Variants in DLC1 observed in about 807,000 individuals in gnomAD.
DLC1 encodes the protein rho GTPase-activating protein 7.
In DLC1, 54 loss-of-function variants were observed where a neutral mutation model predicts 140.3. The observed-to-expected ratio is 0.38, with a 90% CI of 0.31 to 0.48. The LOEUF is 0.48. DLC1 is among the 20% of genes least tolerant of loss of function. The pLI, the probability that DLC1 is intolerant of heterozygous loss-of-function variation, is 0.96. For synonymous variants in DLC1, 986 were observed against 728.1 expected (o/e 1.35, Z -5.70); for missense variants, 2,536 against 1,907.0 (o/e 1.33, Z -6.14).
intron 3 of DLC1, among the ~76,000 whole-genome samples, chr8:13,398,729 G>A (rs949595699): frequency 6.6e-6 from 1 of 152,140 alleles, no homozygotes; most frequent in Non-Finnish European, 1.5e-5. Context: ...GAACCTAAGT[G>A]AGAGTCTGAA....
chr8:13,352,548 A>G (rs1249066152), intron 4 of DLC1, among the ~76,000 whole-genome samples: 2 of 151,708 alleles, frequency 1.3e-5, no homozygotes, highest in Non-Finnish European at 2.9e-5. Flanking sequence ...TGCCTGACTC[A>G]TTTTTTATTT....
chr8:13,188,238 T>G (rs1180432940), intron 5 of DLC1, among the ~76,000 whole-genome samples: 2 of 151,510 alleles, frequency 1.3e-5, no homozygotes, highest in Non-Finnish European at 2.9e-5. Flanking sequence ...CCGGCCACCA[T>G]GCCCAGCTAA....
intron 2 of DLC1, among the ~76,000 whole-genome samples, chr8:13,462,776 T>A (rs1001091314): frequency 6.6e-6 from 1 of 152,154 alleles, no homozygotes; most frequent in Non-Finnish European, 1.5e-5. Flanking sequence ...GTTAAACAGC[T>A]TTTGGAAAAC....
At chr8:13,202,823 A>C (rs73558305) in intron 5 of DLC1, among the ~76,000 whole-genome samples, 4,904 of 151,704 alleles carry the variant, frequency 0.032, 261 homozygotes, top group African/African-American at 0.11. Context: ...ACAGGCATGC[A>C]CCTCTGTGTC....
At chr8:13,312,637 G>GA (rs1400722398) in intron 4 of DLC1, among the ~76,000 whole-genome samples, 2 of 151,814 alleles carry the variant, frequency 1.3e-5, no homozygotes, top group Non-Finnish European at 2.9e-5. Context: ...ATTGCTAATA[G>GA]AAAAAATGCC....
intron 4 of DLC1, among the ~76,000 whole-genome samples, chr8:13,384,411 A>G (rs74566309): frequency 6.6e-6 from 1 of 152,218 alleles, no homozygotes; most frequent in Non-Finnish European, 1.5e-5. Flanking sequence ...TAACACAAAA[A>G]GAAAACTACA....
chr8:13,377,442 C>T (rs565002231), intron 4 of DLC1, among the ~76,000 whole-genome samples: 5 of 152,122 alleles, frequency 3.3e-5, no homozygotes, highest in Non-Finnish European at 7.4e-5. Context: ...GACAGTTATT[C>T]AATAACGGCT....
intron 1 of DLC1, among the ~76,000 whole-genome samples, chr8:13,509,118 C>T (rs995333033): frequency 6.6e-6 from 1 of 152,160 alleles, no homozygotes; most frequent in African/African-American, 2.4e-5. Context: ...CAACAAGGAA[C>T]ACGGATTATA....
intron 5 of DLC1, among the ~76,000 whole-genome samples, chr8:13,169,962 G>A (rs1017458949): frequency 3.3e-4 from 50 of 152,082 alleles, no homozygotes; most frequent in African/African-American, 1.2e-3. Context: ...CAAGGTGGCG[G>A]TGAGCTGTGA....
intron 2 of DLC1, among the ~76,000 whole-genome samples, chr8:13,435,802 C>T (rs1839095295): frequency 6.6e-6 from 1 of 152,168 alleles, no homozygotes; most frequent in South Asian, 2.1e-4. Context: ...AAAATGCTGT[C>T]AAACAGCACT....
intron 5 of DLC1, among the ~76,000 whole-genome samples, chr8:13,203,423 A>T (rs918261916): frequency 2.6e-5 from 4 of 152,224 alleles, no homozygotes; most frequent in Admixed American, 2.0e-4. Flanking sequence ...GATTTCTTCT[A>T]TGGGTTTTAG....
intron 1 of DLC1, among the ~76,000 whole-genome samples, chr8:13,576,545 C>G (rs1804843371): frequency 6.6e-6 from 1 of 152,180 alleles, no homozygotes; most frequent in Non-Finnish European, 1.5e-5. Flanking sequence ...CTTCTTTTAA[C>G]ATTGTGGGTT....
chr8:13,093,000 T>G (rs1048837955), intron 12 of DLC1, among the ~76,000 whole-genome samples, 175 bp from the exon 13 acceptor site: 1 of 152,188 alleles, frequency 6.6e-6, no homozygotes, highest in Non-Finnish European at 1.5e-5. Context: ...CCGGCGTCAC[T>G]ATCCTCAAGT....
chr8:13,339,387 C>G (rs1833940048), intron 4 of DLC1: 1 of 152,146 alleles, frequency 6.6e-6, no homozygotes, highest in Non-Finnish European at 1.5e-5. Flanking sequence ...AGCAAGTGCT[C>G]AATAAATACA....
rs149665474 is a variant in DLC1, at chr8:13,505,742, G to C, written c.-125-5546C>G. On this transcript the variant is annotated intron_variant, in intron 1 of 17. Coordinates refer to ENST00000276297, the MANE Select transcript of DLC1 (RefSeq NM_182643.3). The stretch of plus-strand genomic sequence containing the variant: ...CAGCACAATTTCTATGAGATTCTTA[G>C]GTCAGTTCTTTCAGTTTCCTTTCCT... 1.5e-3 allele frequency among the ~76,000 whole-genome samples: 227 copies of C among 152,196 alleles called. 1 individual carries two copies. The highest frequency in any genetic ancestry group is 5.2e-3 in the African/African-American group (217 of 41,518).
At chr8:13,528,478 C>T (rs1218635320) in intron 1 of DLC1, among the ~76,000 whole-genome samples, 1 of 152,084 alleles carries the variant, frequency 6.6e-6, no homozygotes, top group Non-Finnish European at 1.5e-5. Context: ...GTTTGTAAAA[C>T]ATGTGTTATA....
intron 1 of DLC1, chr8:13,558,599 G>C (rs112627010): frequency 1.3e-3 from 205 of 152,246 alleles, no homozygotes; most frequent in African/African-American, 4.8e-3. Context: ...CTGAAAGCAT[G>C]CAATGAGACA....
chr8:13,202,454 T>G (rs1204691080), intron 5 of DLC1, among the ~76,000 whole-genome samples: 1 of 152,180 alleles, frequency 6.6e-6, no homozygotes, highest in Non-Finnish European at 1.5e-5. Flanking sequence ...TTCCTGGATA[T>G]TTAGGCCAAT....
intron 6 of DLC1, among the ~76,000 whole-genome samples, chr8:13,113,690 T>C (rs1326516606): frequency 6.6e-6 from 1 of 152,194 alleles, no homozygotes; most frequent in Non-Finnish European, 1.5e-5. Flanking sequence ...GAAAATCCAA[T>C]AGAATGCTGG....
Sources: gnomAD v4.1 joint callset for allele counts (sites outside exome capture counted in the v4.1 genomes callset) on GRCh38, gnomAD v4.1.1 for gene constraint, MANE v1.5 for transcripts, NCBI Gene and HGNC (gene_info 2026-07-23, HGNC 2026-07-21) for gene names.